MAPKAP1: variants seen among roughly 807,000 people sequenced by gnomAD.
MAPKAP1 encodes the protein target of rapamycin complex 2 subunit MAPKAP1.
In MAPKAP1, 20 loss-of-function variants were observed where a neutral mutation model predicts 65.7. The ratio of observed to expected loss-of-function variants is 0.30; its 90% CI spans 0.21 to 0.44. The LOEUF (loss-of-function observed/expected upper bound fraction) is 0.44. Ranked by LOEUF, MAPKAP1 falls within the 20% of genes least tolerant of loss-of-function variation. MAPKAP1 has a pLI of 1.00. For synonymous variants in MAPKAP1, 222 were observed against 244.3 expected (o/e 0.91, Z 0.85); for missense variants, 423 against 648.0 (o/e 0.65, Z 3.77).
intron 5 of MAPKAP1, among the ~76,000 whole-genome samples, chr9:125,569,902 C>T (rs908338126): frequency 2.6e-5 from 4 of 152,088 alleles, no homozygotes; most frequent in Non-Finnish European, 5.9e-5. Flanking sequence ...AACTGTAATG[C>T]CTTTTGGTTC....
rs1473980856 is a variant in MAPKAP1, at chr9:125,672,425, A to G, written c.150T>C (p.Ser50=). Residue 50 remains serine, a synonymous_variant, in exon 2 of 12, where the codon AGT becomes AGC. Transcript: ENST00000265960. ...KIHPPSMPGD[S]GSEIQGSNGE... is the part of the protein sequence containing the mutation. ...CATTGCTTCCCTGAATTTCTGACCC[A>G]CTGTCTCCAGGCATTGAAGGAGGAT... The G allele has an allele frequency of 1.9e-6, 3 of 1,614,140 alleles. No individual in the cohort carries two copies. The highest frequency in any genetic ancestry group is 2.5e-6 in the Non-Finnish European group (3 of 1,180,018).
intron 9 of MAPKAP1, among the ~76,000 whole-genome samples, chr9:125,476,553 G>GA (rs35296318): frequency 0.074 from 11,321 of 152,102 alleles, 992 homozygotes; most frequent in East Asian, 0.21. Context: ...TACCCCACTG[G>GA]AAACTAACAA....
chr9:125,525,153 G>T (rs959420398), intron 7 of MAPKAP1, among the ~76,000 whole-genome samples: 5 of 152,170 alleles, frequency 3.3e-5, no homozygotes, highest in East Asian at 3.8e-4. Flanking sequence ...TCACAAAATT[G>T]TGAGTCTGAC....
At chr9:125,532,774 G>C (rs1829968770) in intron 7 of MAPKAP1, among the ~76,000 whole-genome samples, 1 of 152,100 alleles carries the variant, frequency 6.6e-6, no homozygotes, top group African/African-American at 2.4e-5. Flanking sequence ...ACCGGTTAAG[G>C]GGTAACAATG....
At chr9:125,590,213 C>T (rs568053938) in intron 4 of MAPKAP1, among the ~76,000 whole-genome samples, 13 of 152,116 alleles carry the variant, frequency 8.5e-5, no homozygotes, top group Non-Finnish European at 1.6e-4. Context: ...CTGTAAGATG[C>T]TTTAGAGATG....
intron 7 of MAPKAP1, among the ~76,000 whole-genome samples, chr9:125,528,946 C>T (rs1304421689): frequency 6.7e-6 from 1 of 149,954 alleles, no homozygotes; most frequent in African/African-American, 2.5e-5. Flanking sequence ...AGGTGGATCA[C>T]TTGTGGTCAG....
Position 125,613,213 on chromosome 9 carries a change from G to A in MAPKAP1, c.499-27486C>T, listed in dbSNP as rs78950858. 4.2e-3 allele frequency among the ~76,000 whole-genome samples: 643 copies of A among 152,286 alleles called. 6 individuals are homozygous for A. The highest frequency in any genetic ancestry group is 0.015 in the African/African-American group (615 of 41,552). ...AAGTCCAACGCAGACCTGAAGGTGT[G>A]CTCCCAGAACTTAACATGAAGCCAG... On this transcript the variant is annotated intron_variant, in intron 4 of 11. Transcript: ENST00000265960.
chr9:125,459,956 A>G (rs931096515), intron 10 of MAPKAP1, among the ~76,000 whole-genome samples: 2 of 152,186 alleles, frequency 1.3e-5, no homozygotes, highest in African/African-American at 2.4e-5. Context: ...TAAGAGAGTA[A>G]CTTAAAATCT....
intron 1 of MAPKAP1, among the ~76,000 whole-genome samples, chr9:125,675,593 A>G (rs1270635799): frequency 2.0e-5 from 3 of 152,212 alleles, no homozygotes; most frequent in Admixed American, 6.5e-5. Flanking sequence ...TCTGATATGG[A>G]ACTCCCACAG....
intron 4 of MAPKAP1, among the ~76,000 whole-genome samples, chr9:125,597,635 C>T (rs915449951): frequency 6.6e-6 from 1 of 152,170 alleles, no homozygotes; most frequent in African/African-American, 2.4e-5. Flanking sequence ...GACAGCTTAG[C>T]TTCTGCAATT....
At chr9:125,491,578 A>C (rs1483067993) in intron 8 of MAPKAP1, among the ~76,000 whole-genome samples, 1 of 151,782 alleles carries the variant, frequency 6.6e-6, no homozygotes, top group African/African-American at 2.4e-5. Context: ...GGAGTTTAAA[A>C]CCAGCCTGGG....
rs533919744 is a variant in MAPKAP1, at chr9:125,633,081, G to A, written c.498+24570C>T. On this transcript the variant is annotated intron_variant, in intron 4 of 11. Transcript: ENST00000265960. Reference sequence around the variant, plus strand: ...TTTACAAGCCCTTTAGCTCTGCTAAGTGAGCTGTTGTAAATGCAAGACCGC... The same window carrying A: ...TTTACAAGCCCTTTAGCTCTGCTAAATGAGCTGTTGTAAATGCAAGACCGC... Among the ~76,000 whole-genome samples the A allele has an allele frequency of 9.2e-5, 14 of 152,298 alleles. No homozygotes were observed. The South Asian group carries it at 2.7e-3, about 29-fold the overall frequency.
intron 7 of MAPKAP1, among the ~76,000 whole-genome samples, chr9:125,522,034 T>C (rs575685173): frequency 1.4e-4 from 22 of 152,350 alleles, no homozygotes; most frequent in African/African-American, 3.8e-4. Flanking sequence ...TTGTATGTAC[T>C]TGACAGGATT....
intron 8 of MAPKAP1, among the ~76,000 whole-genome samples, chr9:125,486,879 T>C (rs1212703598): frequency 1.3e-5 from 2 of 152,148 alleles, no homozygotes; most frequent in East Asian, 1.9e-4. Context: ...AAGCCTTCCC[T>C]GGCCGCAAGC....
At chr9:125,488,300 C>T (rs1007054228) in intron 8 of MAPKAP1, among the ~76,000 whole-genome samples, 2 of 152,220 alleles carry the variant, frequency 1.3e-5, no homozygotes, top group African/African-American at 4.8e-5. Flanking sequence ...ACGCTGCTCA[C>T]TCCAAAGCAG....
At chr9:125,448,115 GGC>G (rs1031934173) in intron 10 of MAPKAP1, among the ~76,000 whole-genome samples, 2 of 152,168 alleles carry the variant, frequency 1.3e-5, no homozygotes, top group African/African-American at 4.8e-5. Context: ...GGAGCCTGGA[GGC>G]GAGGTAAGCA....
chr9:125,501,806 T>C (rs1488152779), intron 8 of MAPKAP1, among the ~76,000 whole-genome samples: 3 of 152,146 alleles, frequency 2.0e-5, no homozygotes, highest in Non-Finnish European at 4.4e-5. Flanking sequence ...CAAAATAATC[T>C]TGTATTTATT....
intron 3 of MAPKAP1, among the ~76,000 whole-genome samples, chr9:125,669,312 C>G (rs1437565727): frequency 3.3e-5 from 5 of 152,004 alleles, no homozygotes; most frequent in African/African-American, 1.2e-4. Flanking sequence ...GAAATCCCAT[C>G]TCTACTAAAA....
intron 10 of MAPKAP1, among the ~76,000 whole-genome samples, chr9:125,460,585 G>A (rs779631083): frequency 1.3e-5 from 2 of 152,124 alleles, no homozygotes; most frequent in Non-Finnish European, 2.9e-5. Context: ...AACTATCTGG[G>A]GGTCAGAGGA....
Sources: gnomAD v4.1 joint callset for allele counts (sites outside exome capture counted in the v4.1 genomes callset) on GRCh38, gnomAD v4.1.1 for gene constraint, MANE v1.5 for transcripts, NCBI Gene and HGNC (gene_info 2026-07-23, HGNC 2026-07-21) for gene names.